Variants in PCBP3 observed in about 807,000 individuals in gnomAD.
PCBP3 encodes the protein poly(rC)-binding protein 3.
In PCBP3, 25 loss-of-function variants were observed where a neutral mutation model predicts 52.7. The observed-to-expected ratio is 0.47, with a 90% confidence interval of 0.35 to 0.66. The LOEUF (loss-of-function observed/expected upper bound fraction) is 0.66, where lower values mean the gene tolerates loss of function less well. Ranked by LOEUF, PCBP3 falls within the 30% of genes least tolerant of loss-of-function variation. The pLI, the probability that PCBP3 is intolerant of heterozygous loss-of-function variation, is 0.01. For synonymous variants in PCBP3, 162 were observed against 183.0 expected (o/e 0.89, Z 0.93); for missense variants, 391 against 490.3 (o/e 0.80, Z 1.91).
intron 2 of PCBP3, among the ~76,000 whole-genome samples, chr21:45,703,836 G>C (rs1395722734): frequency 1.3e-5 from 2 of 152,144 alleles, no homozygotes; most frequent in Non-Finnish European, 2.9e-5. Flanking sequence ...GACATGAAAA[G>C]GAGAGGCATC....
At chr21:45,908,068 T>G (rs1441281308) in intron 9 of PCBP3, among the ~76,000 whole-genome samples, 1 of 152,158 alleles carries the variant, frequency 6.6e-6, no homozygotes, top group East Asian at 1.9e-4. Context: ...AATCTTATTA[T>G]CTTTCTTTTT....
chr21:45,681,959 A>G (rs1358224014), intron 2 of PCBP3, among the ~76,000 whole-genome samples: 2 of 152,204 alleles, frequency 1.3e-5, no homozygotes, highest in Non-Finnish European at 2.9e-5. Flanking sequence ...CCAAAAAAGA[A>G]CAAAGGCTCA....
intron 5 of PCBP3, among the ~76,000 whole-genome samples, chr21:45,878,396 G>T (rs1307174789): frequency 6.6e-6 from 1 of 152,238 alleles, no homozygotes; most frequent in Non-Finnish European, 1.5e-5. Flanking sequence ...GCCAGGCCCT[G>T]GTCAGAAAGC....
intron 4 of PCBP3, among the ~76,000 whole-genome samples, chr21:45,835,956 A>C (rs919642084): frequency 6.6e-6 from 1 of 152,168 alleles, no homozygotes; most frequent in East Asian, 1.9e-4. Flanking sequence ...GGCCGCAGGC[A>C]TGGTAACCTC....
chr21:45,789,481 A>G (rs960961042), intron 4 of PCBP3, among the ~76,000 whole-genome samples: 49 of 152,218 alleles, frequency 3.2e-4, no homozygotes, highest in African/African-American at 1.2e-3. Context: ...GCCAGTGTTC[A>G]ATAGGGCCGT....
At position 45,735,419 on chromosome 21, in the gene PCBP3, CGTGGTTCCGTGTAAGTA is replaced by C. The variant is rs1358451347; in HGVS notation, c.-168_-162+10del. On this transcript the variant is annotated splice_donor_variant and splice_donor_5th_base_variant and 5_prime_UTR_variant and intron_variant, in exon 3 of 18. Transcript: ENST00000681687. LOFTEE classifies it low-confidence loss of function (5UTR_SPLICE). This position sits in a 1 kb window ranked among gnomAD's most constrained non-coding sequence, Gnocchi z 4.0. ...CTGTCTACAAGAGAGAAGCTCCCCA[CGTGGTTCCGTGTAAGTA>C]GTGCTTCTTATGATGCTGTCACAGG... 7 of 152,104 alleles carry C rather than the reference CGTGGTTCCGTGTAAGTA, an allele frequency of 4.6e-5. No individual in the cohort carries two copies. The highest frequency in any genetic ancestry group is 2.0e-4 in the Admixed American group (3 of 15,274). 9.4% of individuals were successfully genotyped at this position (152,104 alleles called of 1,614,324 possible). A position where few individuals can be genotyped will look rare whatever the true frequency, so the allele number is the denominator to read the frequency against.
chr21:45,782,243 A>T (rs567332182), intron 4 of PCBP3, among the ~76,000 whole-genome samples: 64 of 152,370 alleles, frequency 4.2e-4, no homozygotes, highest in Non-Finnish European at 8.5e-4. Flanking sequence ...GTATAATTGC[A>T]TTACCAGATA....
At chr21:45,687,626 A>G (rs2082228316) in intron 2 of PCBP3, among the ~76,000 whole-genome samples, 1 of 152,244 alleles carries the variant, frequency 6.6e-6, no homozygotes, top group African/African-American at 2.4e-5. Flanking sequence ...AAGACCCAAC[A>G]ATATGAATAA....
At chr21:45,812,055 T>C in intron 4 of PCBP3, among the ~76,000 whole-genome samples, 1 of 152,260 alleles carries the variant, frequency 6.6e-6, no homozygotes, top group Non-Finnish European at 1.5e-5. Flanking sequence ...ATTTTATCAT[T>C]GTTCACTCAA....
chr21:45,876,378 T>C (rs2148709308), intron 5 of PCBP3, among the ~76,000 whole-genome samples: 1 of 152,314 alleles, frequency 6.6e-6, no homozygotes. Context: ...AGCCTGGCTA[T>C]GGTCAGGAAA....
intron 3 of PCBP3, among the ~76,000 whole-genome samples, chr21:45,739,745 C>A (rs1161633273): frequency 6.6e-6 from 1 of 151,174 alleles, no homozygotes; most frequent in Non-Finnish European, 1.5e-5. Flanking sequence ...TGGGTGGACC[C>A]CCCATCTTCA....
At chr21:45,767,541 G>A (rs1174293846) in intron 4 of PCBP3, among the ~76,000 whole-genome samples, 4 of 152,174 alleles carry the variant, frequency 2.6e-5, no homozygotes, top group African/African-American at 4.8e-5. Context: ...CAGTTCCTTA[G>A]GAGTGGACCT....
At chr21:45,822,520 C>T (rs1341352302) in intron 4 of PCBP3, among the ~76,000 whole-genome samples, 2 of 151,866 alleles carry the variant, frequency 1.3e-5, no homozygotes, top group African/African-American at 2.4e-5. Flanking sequence ...GAGTGAGGGG[C>T]GGATATGGCA....
At chr21:45,769,309 C>T (rs570727924) in intron 4 of PCBP3, among the ~76,000 whole-genome samples, 10 of 152,316 alleles carry the variant, frequency 6.6e-5, no homozygotes, top group African/African-American at 1.9e-4. Flanking sequence ...GAGTGTTGGA[C>T]GACCCATTCC....
intron 2 of PCBP3, among the ~76,000 whole-genome samples, chr21:45,697,602 G>A (rs775819459): frequency 1.3e-5 from 2 of 151,728 alleles, no homozygotes; most frequent in South Asian, 4.1e-4. Context: ...AGAATTAGCC[G>A]GGTGTAGGTG....
At chr21:45,931,996 G>T (rs1011013020) in intron 15 of PCBP3, among the ~76,000 whole-genome samples, 1 of 151,822 alleles carries the variant, frequency 6.6e-6, no homozygotes, top group Non-Finnish European at 1.5e-5. Flanking sequence ...ATGCTGTCCC[G>T]AGATGAATGA....
intron 5 of PCBP3, among the ~76,000 whole-genome samples, chr21:45,855,795 G>T (rs952380766): frequency 1.3e-5 from 2 of 152,236 alleles, no homozygotes; most frequent in African/African-American, 4.8e-5. Flanking sequence ...ACAGGCGGGT[G>T]GAACCCAGGG....
chr21:45,846,717 C>T (rs551811951), intron 4 of PCBP3, among the ~76,000 whole-genome samples: 15 of 152,252 alleles, frequency 9.9e-5, no homozygotes, highest in Non-Finnish European at 1.9e-4. Flanking sequence ...GGCTTCGCCG[C>T]GCACTGGGTC....
chr21:45,710,448 T>G (rs1490493530), intron 2 of PCBP3, among the ~76,000 whole-genome samples: 1 of 152,144 alleles, frequency 6.6e-6, no homozygotes, highest in Non-Finnish European at 1.5e-5. Flanking sequence ...GAATGATGGT[T>G]TCCAGCTTCA....
Sources: allele counts gnomAD v4.1 joint callset (sites outside exome capture counted in the v4.1 genomes callset), GRCh38; gene constraint gnomAD v4.1.1; non-coding constraint Gnocchi (gnomAD v3.1); transcripts MANE v1.5; gene names NCBI Gene and HGNC (gene_info 2026-07-23, HGNC 2026-07-21).